HELLS: variants seen among roughly 807,000 people sequenced by gnomAD.
The protein encoded by HELLS is helicase, lymphoid specific.
HELLS carries 32 observed loss-of-function variants against 120.0 expected under a neutral mutation model. The observed-to-expected ratio is 0.27, with a 90% CI of 0.20 to 0.36. The LOEUF (loss-of-function observed/expected upper bound fraction) is 0.36, where lower values mean the gene tolerates loss of function less well. Ranked by LOEUF, HELLS falls within the 10% of genes least tolerant of loss-of-function variation. The pLI is 1.00. For synonymous variants in HELLS, 341 were observed against 323.4 expected, an observed-to-expected ratio of 1.05 and a Z score of -0.58; for missense variants, 650 against 993.4, an observed-to-expected ratio of 0.65 and a Z score of 4.65.
chr10:94,613,315 T>C (rs1270408269), exon 10 of HELLS: 6 of 152,230 alleles, frequency 3.9e-5, no homozygotes, highest in South Asian at 4.1e-4. Context: ...GCATCTCTGC[T>C]TTTCTTTTGG....
intron 4 of HELLS, among the ~76,000 whole-genome samples, chr10:94,559,074 C>T (rs751361463): frequency 6.6e-6 from 1 of 152,200 alleles, no homozygotes; most frequent in Non-Finnish European, 1.5e-5. Context: ...AGATTCCTGA[C>T]ACCGTCATGG....
chr10:94,605,616 T>G (rs1373028250), downstream of HELLS, among the ~76,000 whole-genome samples: 2 of 151,674 alleles, frequency 1.3e-5, no homozygotes, highest in Non-Finnish European at 2.9e-5. Context: ...GAACTTCCAG[T>G]GTTGTGGGAG....
At chr10:94,560,621 C>A (rs149382356) in intron 4 of HELLS, among the ~76,000 whole-genome samples, 1 of 151,964 alleles carries the variant, frequency 6.6e-6, no homozygotes, top group Non-Finnish European at 1.5e-5. Context: ...ACTTGAACCA[C>A]GGTAGGCAGA....
chr10:94,556,783 A>C (rs191379248), intron 3 of HELLS, among the ~76,000 whole-genome samples: 1 of 152,124 alleles, frequency 6.6e-6, no homozygotes, highest in East Asian at 1.9e-4. Context: ...TTTTTTCTTT[A>C]GTACTTTATT....
rs1845769474 is a variant in HELLS, at chr10:94,596,945, A to G, written c.2334A>G (p.Arg778=). 6.8e-7 allele frequency: 1 copy of G among 1,467,306 alleles called. No individual in the cohort carries two copies. Among genetic ancestry groups the G allele is most frequent in the East Asian group, 2.3e-5 (1 of 44,038 alleles). 90.9% of individuals were successfully genotyped at this position (1,467,306 alleles called of 1,614,324 possible). Residue 778 remains arginine (R), a synonymous_variant, in exon 20 of 22, where the codon AGA becomes AGG. Transcript: ENST00000348459. ...AATTAATGGAATTATTAAAATCTAG[A>G]GATTATGAAAGGTGAGTTTTTAATT... ...PKELMELLKS[R]DYEREIKGSR...
In HELLS at chr10:94,592,305, G is replaced by A. The variant is rs1250772685; in HGVS notation, c.1844G>A (p.Gly615Asp). 1.2e-6 allele frequency: 2 copies of A among 1,607,276 alleles called. No homozygotes were observed. The highest frequency in any genetic ancestry group is 1.3e-5 in the African/African-American group (1 of 74,720). The change falls in exon 16 of 22, where the codon GGT (glycine) becomes GAT (aspartate). Residue 615 changes from glycine to aspartate, a missense_variant. This residue lies in a region of HELLS where 191 missense variants were observed against 259.7 expected (regional missense o/e 0.74). Transcript: ENST00000348459. ...ATGCTGCCAGAACTAAAAAAAAGAG[G>A]TCACAAGGTGGTACTTTTGATTGGA... ...DRMLPELKKR[G>D]HKVLLFSQMT...
intron 21 of HELLS, 120 bp from the exon 22 acceptor site, chr10:94,601,408 T>C: frequency 1.6e-6 from 1 of 629,724 alleles, no homozygotes; most frequent in Non-Finnish European, 2.8e-6. Context: ...CCTGTATTAC[T>C]GTGAGTTTTA....
chr10:94,554,660 T>G lies in HELLS; in HGVS notation c.276+412T>G, dbSNP rs576776249. 1.6e-3 allele frequency among the ~76,000 whole-genome samples: 238 copies of G among 150,966 alleles called. 1 individual carries two copies. Among genetic ancestry groups the G allele is most frequent in the Non-Finnish European group, 2.7e-3 (185 of 67,736 alleles). ...AGTAATAGTGTTTTTTTTTTTGTTT[T>G]TTTTTTTTTAATGCTAATGATCAAT... On this transcript the variant is annotated intron_variant, in intron 3 of 21. Transcript: ENST00000348459.
At chr10:94,606,979 G>A (rs1846136314), downstream of HELLS, among the ~76,000 whole-genome samples, 1 of 152,224 alleles carries the variant, frequency 6.6e-6, no homozygotes, top group Admixed American at 6.5e-5. Context: ...TCCTGTGTGA[G>A]TATATGTACT....
intron 21 of HELLS, among the ~76,000 whole-genome samples, chr10:94,598,275 C>T (rs1845840603): frequency 6.6e-6 from 1 of 152,108 alleles, no homozygotes; most frequent in South Asian, 2.1e-4. Context: ...ATCACGGATA[C>T]AGGCAGAAAC....
chr10:94,597,202 C>T (rs1315867273), intron 21 of HELLS, 91 bp downstream of exon 21: 1 of 676,884 alleles, frequency 1.5e-6, no homozygotes, highest in Non-Finnish European at 2.5e-6. Flanking sequence ...CATTCAGCCA[C>T]ATGTATCCAA....
chr10:94,546,076 G>C, intron 1 of HELLS, 124 bp downstream of exon 1: 1 of 1,179,644 alleles, frequency 8.5e-7, no homozygotes. Context: ...GAGGAAAGGA[G>C]GGTTGGGAAA....
At position 94,597,031 on chromosome 10, in the gene HELLS, A is replaced by G; in HGVS notation, c.2346-4A>G. The stretch of plus-strand genomic sequence containing the variant: ...CATAGACTTGAATATTTTGTTTTCT[A>G]TAGGGAAATAAAAGGATCAAGAGAG... On this transcript the variant is annotated splice_region_variant and splice_polypyrimidine_tract_variant and intron_variant, in intron 20 of 21. Coordinates refer to ENST00000348459, the MANE Select transcript of HELLS (RefSeq NM_018063.5). 1.9e-6 allele frequency: 3 copies of G among 1,563,718 alleles called. No individual in the cohort carries two copies. The highest frequency in any genetic ancestry group is 1.7e-5 in the Admixed American group (1 of 59,216).
At chr10:94,579,632 C>G (rs1053352949) in intron 10 of HELLS, among the ~76,000 whole-genome samples, 6 of 151,742 alleles carry the variant, frequency 4.0e-5, no homozygotes, top group African/African-American at 1.5e-4. Context: ...GCCTGAATCT[C>G]CTGGGCTCAA....
chr10:94,591,382 A>T (rs1210521334), intron 15 of HELLS, among the ~76,000 whole-genome samples: 2 of 152,220 alleles, frequency 1.3e-5, no homozygotes, highest in African/African-American at 4.8e-5. Context: ...AAGTAAATGA[A>T]GTTGCTTTCT....
At position 94,601,736 on chromosome 10, in the gene HELLS, G is replaced by A; in HGVS notation, c.*114G>A. The stretch of plus-strand genomic sequence containing the variant: ...CCTTTTTTATTATATCAGTTGACAT[G>A]TAACTAGTACCATGCGTACTTAAAT... On this transcript the variant is annotated 3_prime_UTR_variant, in exon 22 of 22. Transcript: ENST00000348459. The A allele has an allele frequency of 1.7e-6, 1 of 587,100 alleles. No homozygotes were observed. Among genetic ancestry groups the A allele is most frequent in the Non-Finnish European group, 3.0e-6 (1 of 328,866 alleles). 36.4% of individuals were successfully genotyped at this position (587,100 alleles called of 1,614,324 possible).
At chr10:94,564,171 A>T (rs1245924462) in intron 6 of HELLS, among the ~76,000 whole-genome samples, 1 of 152,178 alleles carries the variant, frequency 6.6e-6, no homozygotes, top group Admixed American at 6.5e-5. Context: ...TCTACCTATT[A>T]TCTTGTGCTT....
intron 13 of HELLS, among the ~76,000 whole-genome samples, chr10:94,588,894 C>G (rs1379405670): frequency 6.6e-6 from 1 of 152,162 alleles, no homozygotes. Context: ...TGCCTGTTAT[C>G]CCAGCACTTT....
Position 94,553,175 on chromosome 10 carries a change from T to A in HELLS, c.154-951T>A, listed in dbSNP as rs561981428. ...GGTCAAGTGCAAAATTAATCAAAAA[T>A]TTTCCTTATCTGTACATAACAAGGT... On this transcript the variant is annotated intron_variant, in intron 2 of 21. Coordinates refer to ENST00000348459, the MANE Select transcript of HELLS (RefSeq NM_018063.5). 8.5e-4 allele frequency among the ~76,000 whole-genome samples: 129 copies of A among 152,236 alleles called. 2 individuals are homozygous for A. In the South Asian group the frequency reaches 0.027, roughly 32 times the overall value.
Sources: allele counts gnomAD v4.1 joint callset (sites outside exome capture counted in the v4.1 genomes callset), GRCh38; gene constraint gnomAD v4.1.1; regional missense constraint gnomAD v4.1.1; transcripts MANE v1.5; gene names NCBI Gene and HGNC (gene_info 2026-07-23, HGNC 2026-07-21).